The following BSPRY variants were observed in gnomAD, a reference collection of about 807,000 sequenced individuals.
BSPRY encodes the protein B box and SPRY domain-containing protein.
A neutral mutation model predicts 38.0 loss-of-function variants in BSPRY; 33 were observed. The observed-to-expected ratio is 0.87, with a 90% CI of 0.66 to 1.16. The LOEUF (loss-of-function observed/expected upper bound fraction) is 1.16. Among genes scored for constraint, BSPRY ranks in the 50% most tolerant of loss-of-function variants. The probability of loss-of-function intolerance (pLI) is 0.00; values close to 1 mark genes in which losing one functional copy is unlikely to be tolerated. For synonymous variants in BSPRY, 224 were observed against 228.5 expected (o/e 0.98, Z 0.18); for missense variants, 523 against 533.2 (o/e 0.98, Z 0.19).
At chr9:113,349,873 C>A (rs1338960959) in intron 1 of BSPRY, 93 bp downstream of exon 1, 4 of 1,186,728 alleles carry the variant, frequency 3.4e-6, no homozygotes, top group Non-Finnish European at 4.2e-6. Context: ...TGGGGCTGGG[C>A]GGACTCGACA....
rs1472813709 is a variant in BSPRY, at chr9:113,354,245, G to T, written c.207G>T (p.Lys69Asn). 6.2e-7 allele frequency: 1 copy of T among 1,613,950 alleles called. No individual in the cohort carries two copies. The highest frequency in any genetic ancestry group is 8.5e-7 in the Non-Finnish European group (1 of 1,179,922). ...AAGCGTTGTTTGTGTTGCAGAACAA[G>T]ATTGTGGACCAGTGTGAGAGGCTGC... ...AEERAEELRNKIVDQCERLQL... is the reference protein window; with the variant it reads ...AEERAEELRNNIVDQCERLQL... Residue 69 changes from lysine to asparagine, a missense_variant, in exon 2 of 6, where the codon AAG (lysine) becomes AAT (asparagine). By Grantham distance (94) the Lys-to-Asn change is moderately conservative. Transcript: ENST00000374183.
chr9:113,366,397 A>G (rs1372040424), intron 4 of BSPRY, among the ~76,000 whole-genome samples: 3 of 152,220 alleles, frequency 2.0e-5, no homozygotes, highest in Non-Finnish European at 4.4e-5. Flanking sequence ...ATCTAGCCGG[A>G]AACTCACTTA....
rs544109860 is a variant in BSPRY, at chr9:113,357,564, A to G, written c.301-2943A>G. On this transcript the variant is annotated intron_variant, in intron 2 of 5. Transcript: ENST00000374183. ...AGCCTTATTCAATGGATTGGAAAAC[A>G]GAACTCTTTTTTCTTAAGGGTTTAC... is the stretch of plus-strand genomic sequence containing the variant. Among the ~76,000 whole-genome samples the G allele has an allele frequency of 6.2e-4, 95 of 152,304 alleles. 2 individuals carry two copies. The South Asian group carries it at 0.019, about 31-fold the overall frequency.
rs1376734615 is a variant in BSPRY, at chr9:113,365,760, T to A, written c.558-2499T>A. ...GAGAGAGAGAGAGAGAGTGTGTGTG[T>A]GTGTGTGTAGCTGTTTGATGCATGA... On this transcript the variant is annotated intron_variant, in intron 4 of 5. Coordinates refer to ENST00000374183, the MANE Select transcript of BSPRY (RefSeq NM_017688.3). Among the ~76,000 whole-genome samples the A allele has an allele frequency of 9.3e-3, 953 of 102,108 alleles. 10 individuals carry two copies. Among genetic ancestry groups the A allele is most frequent in the African/African-American group, 0.032 (852 of 26,526 alleles). The allele number at this position is 102,108 out of a possible 152,430, so 67.0% of individuals were successfully genotyped here.
intron 1 of BSPRY, among the ~76,000 whole-genome samples, chr9:113,353,309 C>T (rs1252086658): frequency 2.6e-5 from 4 of 152,164 alleles, no homozygotes; most frequent in Non-Finnish European, 5.9e-5. Flanking sequence ...TCACTTGAGC[C>T]TGGAAGGTCA....
At chr9:113,363,463 G>T (rs1414199311) in intron 4 of BSPRY, among the ~76,000 whole-genome samples, 1 of 151,962 alleles carries the variant, frequency 6.6e-6, no homozygotes, top group African/African-American at 2.4e-5. Context: ...AAAAGAAAAA[G>T]AAAAATGAGT....
Position 113,349,721 on chromosome 9 carries a change from G to T in BSPRY, c.142G>T (p.Gly48Cys). ...CGTGTGCGCCGCCTGCGCGGGGTTG[G>T]GCGGTCGCTGCCGGGGGCACCGCAT... Reference protein sequence around the residue: ...RPVCAACAGLGGRCRGHRIRR... With the variant: ...RPVCAACAGLCGRCRGHRIRR... Residue 48 changes from glycine to cysteine, a missense_variant, in exon 1 of 6, where the codon GGC (glycine) becomes TGC (cysteine). Physicochemically the swap from Gly to Cys is radical, Grantham distance 159 (BLOSUM62 -3). Coordinates refer to ENST00000374183, the MANE Select transcript of BSPRY (RefSeq NM_017688.3). 8.1e-7 allele frequency: 1 copy of T among 1,240,244 alleles called. No individual in the cohort carries two copies. Among genetic ancestry groups the T allele is most frequent in the Non-Finnish European group, 1.0e-6 (1 of 994,402 alleles). The allele number at this position is 1,240,244 out of a possible 1,614,324, so 76.8% of individuals were successfully genotyped here.
chr9:113,370,410 TAAA>T lies in BSPRY; in HGVS notation c.*281_*283del, dbSNP rs11351890. On this transcript the variant is annotated 3_prime_UTR_variant, in exon 6 of 6. Coordinates refer to ENST00000374183, the MANE Select transcript of BSPRY (RefSeq NM_017688.3). The surrounding 1 kb of genome is among the most constrained non-coding windows in gnomAD (Gnocchi z 4.8). ...AATACACTAACGATAGCTGATGAGC[TAAA>T]AAAAAAAAAAAAGTCTGTGTATAAT... 3.4e-3 allele frequency: 781 copies of T among 226,472 alleles called. No individual in the cohort carries two copies. Among genetic ancestry groups the T allele is most frequent in the Middle Eastern group, 0.012 (9 of 762 alleles). 14.0% of individuals were successfully genotyped at this position (226,472 alleles called of 1,614,324 possible). A position where few individuals can be genotyped will look rare whatever the true frequency, so the allele number is the denominator to read the frequency against.
intron 5 of BSPRY, 133 bp downstream of exon 5, chr9:113,368,516 C>G: frequency 1.6e-6 from 2 of 1,269,844 alleles, no homozygotes; most frequent in Admixed American, 2.5e-5. Flanking sequence ...TGGATGCAGG[C>G]TGGTCAGTAG....
At chr9:113,360,478 A>G in intron 2 of BSPRY, 29 bp from the exon 3 acceptor site, 1 of 1,565,826 alleles carries the variant, frequency 6.4e-7, no homozygotes, top group Non-Finnish European at 8.7e-7. Context: ...TGCACAGACC[A>G]CCCAACTCCT....
chr9:113,367,834 C>CTTT (rs34649175), intron 4 of BSPRY, among the ~76,000 whole-genome samples: 25 of 144,302 alleles, frequency 1.7e-4, no homozygotes, highest in African/African-American at 6.1e-4. Context: ...GGATGCCACT[C>CTTT]TTTTTTTTTT....
At chr9:113,350,419 A>C (rs1470989258) in intron 1 of BSPRY, among the ~76,000 whole-genome samples, 2 of 152,126 alleles carry the variant, frequency 1.3e-5, no homozygotes, top group African/African-American at 4.8e-5. Flanking sequence ...AGCTGGATAA[A>C]CGGTGGGGGT....
intron 1 of BSPRY, among the ~76,000 whole-genome samples, chr9:113,353,655 A>G (rs1016670670): frequency 6.6e-6 from 1 of 152,166 alleles, no homozygotes; most frequent in African/African-American, 2.4e-5. Flanking sequence ...GTGAGCCGAG[A>G]TCGCACCACT....
intron 1 of BSPRY, among the ~76,000 whole-genome samples, chr9:113,352,983 G>A (rs999867233): frequency 6.6e-6 from 1 of 152,202 alleles, no homozygotes; most frequent in Non-Finnish European, 1.5e-5. Context: ...TGATGGTGCT[G>A]CTTAATGAAT....
intron 2 of BSPRY, among the ~76,000 whole-genome samples, chr9:113,356,543 A>T (rs754724101): frequency 1.3e-5 from 2 of 152,020 alleles, no homozygotes; most frequent in Admixed American, 6.6e-5. Flanking sequence ...CTATGTTTAG[A>T]AGTGATTATA....
chr9:113,363,937 C>G (rs1834200034), intron 4 of BSPRY, among the ~76,000 whole-genome samples: 2 of 147,936 alleles, frequency 1.4e-5, no homozygotes, highest in Non-Finnish European at 3.0e-5. Flanking sequence ...GCCTGTAATC[C>G]CATCACTTAG....
chr9:113,367,609 C>T (rs1834272385), intron 4 of BSPRY, among the ~76,000 whole-genome samples: 1 of 152,168 alleles, frequency 6.6e-6, no homozygotes, highest in African/African-American at 2.4e-5. Context: ...GTTCCAGAGG[C>T]CCAGGAGGTC....
chr9:113,360,474 G>A (rs993781529), intron 2 of BSPRY, 33 bp from the exon 3 acceptor site: 2 of 1,562,332 alleles, frequency 1.3e-6, no homozygotes, highest in Non-Finnish European at 8.7e-7. Context: ...GCTTTGCACA[G>A]ACCACCCAAC....
At position 113,349,627 on chromosome 9, in the gene BSPRY, C is replaced by G. The variant is rs1833935763; in HGVS notation, c.48C>G (p.Pro16=). 1 of 1,206,496 alleles carries G rather than the reference C, an allele frequency of 8.3e-7. No homozygotes were observed. Among genetic ancestry groups the G allele is most frequent in the South Asian group, 3.7e-5 (1 of 26,906 alleles). 74.7% of individuals were successfully genotyped at this position (1,206,496 alleles called of 1,614,324 possible). Residue 16 remains proline (P), a synonymous_variant, in exon 1 of 6, where the codon CCC becomes CCG. Transcript: ENST00000374183. ...CGGGGCCGGGGTCCGGGTCCGGGCC[C>G]GGGCCGGGGCCACTCTGCCCCGAAC... ...AEPGPGSGSG[P]GPGPLCPEHG...
Sources: gnomAD v4.1 joint callset for allele counts (sites outside exome capture counted in the v4.1 genomes callset) on GRCh38, gnomAD v4.1.1 for gene constraint, Gnocchi (gnomAD v3.1) non-coding constraint, MANE v1.5 for transcripts, NCBI Gene and HGNC (gene_info 2026-07-23, HGNC 2026-07-21) for gene names.